PARN: variants seen among roughly 807,000 people sequenced by gnomAD.
The protein encoded by PARN is poly(A)-specific ribonuclease, also known as poly(A)-specific ribonuclease PARN.
In PARN, 71 loss-of-function variants were observed where a neutral mutation model predicts 102.8. That is an observed-to-expected ratio of 0.69 (90% CI 0.57 to 0.84). The LOEUF (loss-of-function observed/expected upper bound fraction) is 0.84. Among genes scored for constraint, PARN ranks in the 40% least tolerant of loss-of-function variants. The pLI is 0.00. For synonymous variants in PARN, 261 were observed against 252.9 expected, an observed-to-expected ratio of 1.03 and a Z score of -0.30; for missense variants, 782 against 760.9, an observed-to-expected ratio of 1.03 and a Z score of -0.33.
At chr16:14,522,210 A>C (rs1458158511) in intron 21 of PARN, among the ~76,000 whole-genome samples, 2 of 152,252 alleles carry the variant, frequency 1.3e-5, no homozygotes, top group African/African-American at 4.8e-5. Context: ...TACTACAGAG[A>C]GATCTTTAGC....
At chr16:14,541,234 T>C (rs1429630142) in intron 21 of PARN, among the ~76,000 whole-genome samples, 2 of 151,752 alleles carry the variant, frequency 1.3e-5, no homozygotes, top group South Asian at 2.1e-4. Flanking sequence ...GGAAGAAGCT[T>C]AGGGGCAAAC....
chr16:14,611,144 G>C (rs12928399), intron 6 of PARN, among the ~76,000 whole-genome samples: 46,365 of 152,124 alleles, frequency 0.3, 8,048 homozygotes, highest in South Asian at 0.43. Flanking sequence ...AAACCCAAAG[G>C]ATGAGAATAA....
At chr16:14,553,259 A>ATT (rs752523206) in intron 20 of PARN, among the ~76,000 whole-genome samples, 3,839 of 52,344 alleles carry the variant, frequency 0.073, 73 homozygotes, top group Non-Finnish European at 0.12. Context: ...TTCTATTTAA[A>ATT]AAAAAAAAAA....
At chr16:14,517,720 C>T (rs1459279081) in intron 21 of PARN, among the ~76,000 whole-genome samples, 2 of 152,014 alleles carry the variant, frequency 1.3e-5, no homozygotes, top group Non-Finnish European at 2.9e-5. Flanking sequence ...CTCTTGTTGC[C>T]CAGGCTAGAG....
chr16:14,556,440 G>A lies in PARN; in HGVS notation c.1263-731C>T, dbSNP rs1027532330. ...CTCCCAAAGTGTTGCAATTACAGGC[G>A]TGAGCCACTGCACCAGCCATGTAAA... On this transcript the variant is annotated intron_variant, in intron 18 of 23. Coordinates refer to ENST00000437198, the MANE Select transcript of PARN (RefSeq NM_002582.4). Among the ~76,000 whole-genome samples the A allele has an allele frequency of 1.2e-4, 18 of 152,240 alleles. No individual in the cohort carries two copies. The South Asian group carries it at 1.7e-3, about 14-fold the overall frequency.
At chr16:14,436,904 G>T in intron 23 of PARN, 132 bp from the exon 24 acceptor site, 1 of 672,232 alleles carries the variant, frequency 1.5e-6, no homozygotes. Flanking sequence ...CTAAACAGCT[G>T]CGCTGGAAAG....
intron 22 of PARN, among the ~76,000 whole-genome samples, chr16:14,469,461 A>T (rs2151582244): frequency 6.6e-6 from 1 of 152,366 alleles, no homozygotes; most frequent in South Asian, 2.1e-4. Flanking sequence ...CTTCTGCACT[A>T]TCAGCAAGCT....
At chr16:14,465,979 C>T (rs1480799496) in intron 22 of PARN, among the ~76,000 whole-genome samples, 1 of 152,270 alleles carries the variant, frequency 6.6e-6, no homozygotes, top group East Asian at 1.9e-4. Flanking sequence ...CGGAGAATGA[C>T]AGGCACTAGG....
intron 5 of PARN, among the ~76,000 whole-genome samples, chr16:14,625,160 T>A (rs541059649): frequency 6.6e-6 from 1 of 150,594 alleles, no homozygotes. Flanking sequence ...CACACAAATT[T>A]CCCAACTGAG....
intron 22 of PARN, among the ~76,000 whole-genome samples, chr16:14,462,362 G>C (rs1211062783): frequency 3.3e-5 from 5 of 151,696 alleles, no homozygotes; most frequent in African/African-American, 4.8e-5. Context: ...AACAAACAAA[G>C]ACAAAAACAT....
intron 21 of PARN, among the ~76,000 whole-genome samples, chr16:14,517,824 G>A (rs982573654): frequency 3.3e-5 from 5 of 152,002 alleles, no homozygotes; most frequent in Admixed American, 3.3e-4. Flanking sequence ...GATTACAGGT[G>A]TGCGCCACCA....
At chr16:14,440,802 C>T (rs1960909608) in intron 23 of PARN, among the ~76,000 whole-genome samples, 1 of 152,110 alleles carries the variant, frequency 6.6e-6, no homozygotes, top group African/African-American at 2.4e-5. Flanking sequence ...CTGGAAAAGA[C>T]AAAATCGCAG....
At chr16:14,541,992 T>A (rs1233148024) in intron 21 of PARN, among the ~76,000 whole-genome samples, 1 of 151,680 alleles carries the variant, frequency 6.6e-6, no homozygotes, top group Non-Finnish European at 1.5e-5. Context: ...ATGATGCAGA[T>A]GTTGGAATTA....
At chr16:14,531,181 C>A (rs567596244) in intron 21 of PARN, among the ~76,000 whole-genome samples, 1 of 152,042 alleles carries the variant, frequency 6.6e-6, no homozygotes, top group Non-Finnish European at 1.5e-5. Context: ...CCATCTATAT[C>A]AAAAAATACA....
Position 14,491,875 on chromosome 16 carries a change from G to C in PARN, c.1481-9048C>G, listed in dbSNP as rs186267543. 3.8e-3 allele frequency among the ~76,000 whole-genome samples: 584 copies of C among 152,308 alleles called. 1 individual carries two copies. Among genetic ancestry groups the C allele is most frequent in the Non-Finnish European group, 6.3e-3 (431 of 68,020 alleles). ...TGTCTCCACTCAAGAGAAAAAACAA[G>C]CCAGAATGAGGATACAAACTTATAC... On this transcript the variant is annotated intron_variant, in intron 21 of 23. Coordinates refer to ENST00000437198, the MANE Select transcript of PARN (RefSeq NM_002582.4).
chr16:14,555,059 G>A (rs1325388572), intron 19 of PARN, among the ~76,000 whole-genome samples: 2 of 152,102 alleles, frequency 1.3e-5, no homozygotes, highest in Admixed American at 6.6e-5. Context: ...TAATGTGGAG[G>A]GCAACACAAC....
At chr16:14,620,897 T>C (rs920980290) in intron 5 of PARN, among the ~76,000 whole-genome samples, 10 of 152,208 alleles carry the variant, frequency 6.6e-5, no homozygotes, top group African/African-American at 2.2e-4. Flanking sequence ...ACCATAGTGA[T>C]TGTATCATTT....
At chr16:14,615,558 GAA>G (rs1971841386) in intron 6 of PARN, among the ~76,000 whole-genome samples, 1 of 151,918 alleles carries the variant, frequency 6.6e-6, no homozygotes, top group African/African-American at 2.4e-5. Context: ...TATTACCTCC[GAA>G]GATCAAAATC....
At chr16:14,510,221 G>T (rs1329279258) in intron 21 of PARN, among the ~76,000 whole-genome samples, 2 of 152,096 alleles carry the variant, frequency 1.3e-5, no homozygotes, top group East Asian at 3.9e-4. Flanking sequence ...AAAATGTCAG[G>T]GTCGTTTTCA....
Sources: allele counts gnomAD v4.1 joint callset (sites outside exome capture counted in the v4.1 genomes callset), GRCh38; gene constraint gnomAD v4.1.1; transcripts MANE v1.5; gene names NCBI Gene and HGNC (gene_info 2026-07-23, HGNC 2026-07-21).